Variants in RGS21 observed in about 807,000 individuals in gnomAD.
The protein encoded by RGS21 is regulator of G protein signaling 21.
RGS21 carries 19 observed loss-of-function variants against 18.7 expected under a neutral mutation model. That is an observed-to-expected ratio of 1.01 (90% confidence interval 0.71 to 1.49). RGS21 has a LOEUF of 1.49. Among genes scored for constraint, RGS21 ranks in the 40% most tolerant of loss-of-function variants. The pLI, the probability that RGS21 is intolerant of heterozygous loss-of-function variation, is 0.00. For missense variants in RGS21, 194 were observed against 176.8 expected (o/e 1.10, Z -0.55); for synonymous variants, 56 against 57.8 (o/e 0.97, Z 0.14).
intron 1 of RGS21, among the ~76,000 whole-genome samples, chr1:192,317,482 C>T (rs761452516): frequency 6.9e-4 from 102 of 148,662 alleles, no homozygotes; most frequent in Non-Finnish European, 1.3e-3. Flanking sequence ...TTTCTTATAT[C>T]CTTTTGGAAA....
intron 4 of RGS21, among the ~76,000 whole-genome samples, chr1:192,355,054 C>T (rs1659092795): frequency 6.6e-6 from 1 of 151,544 alleles, no homozygotes; most frequent in Non-Finnish European, 1.5e-5. Context: ...TAAAGTGTTA[C>T]ATTCTCTCTG....
At chr1:192,330,611 T>C (rs989828445) in intron 1 of RGS21, among the ~76,000 whole-genome samples, 1 of 152,252 alleles carries the variant, frequency 6.6e-6, no homozygotes, top group East Asian at 1.9e-4. Context: ...TTCTAAGATA[T>C]GTAGGATGGA....
chr1:192,331,045 T>C (rs944239410), intron 1 of RGS21, among the ~76,000 whole-genome samples: 1 of 152,154 alleles, frequency 6.6e-6, no homozygotes, highest in African/African-American at 2.4e-5. Flanking sequence ...AACTGAAACC[T>C]ATGGTTGATG....
At chr1:192,337,681 T>C (rs1470037757) in intron 1 of RGS21, among the ~76,000 whole-genome samples, 1 of 152,100 alleles carries the variant, frequency 6.6e-6, no homozygotes, top group East Asian at 1.9e-4. Flanking sequence ...CTAAAAATAT[T>C]CAGCTACAGT....
chr1:192,346,414 A>G (rs914602850), intron 2 of RGS21, among the ~76,000 whole-genome samples: 8 of 152,064 alleles, frequency 5.3e-5, no homozygotes, highest in African/African-American at 1.9e-4. Context: ...ATTATTGGTA[A>G]TTTCAATACA....
intron 1 of RGS21, among the ~76,000 whole-genome samples, chr1:192,339,170 A>T (rs934213305): frequency 1.3e-5 from 2 of 152,068 alleles, no homozygotes; most frequent in African/African-American, 2.4e-5. Flanking sequence ...TTTTCCCACA[A>T]ATCTTTTATG....
chr1:192,360,046 C>T (rs1200592944), intron 4 of RGS21, among the ~76,000 whole-genome samples: 1 of 151,904 alleles, frequency 6.6e-6, no homozygotes, highest in Non-Finnish European at 1.5e-5. Context: ...CCTGTTCCTA[C>T]TCATAATCCA....
intron 2 of RGS21, 145 bp downstream of exon 2, chr1:192,343,192 T>A (rs1181541063): frequency 1.2e-6 from 1 of 822,842 alleles, no homozygotes; most frequent in Non-Finnish European, 2.0e-6. Flanking sequence ...CTTTCTCTAC[T>A]GATTTCTTCT....
At chr1:192,346,583 T>C (rs1294605992) in intron 2 of RGS21, among the ~76,000 whole-genome samples, 1 of 152,082 alleles carries the variant, frequency 6.6e-6, no homozygotes, top group Non-Finnish European at 1.5e-5. Flanking sequence ...GTATGATATA[T>C]TTGCATCTCA....
rs190486812 is a variant in RGS21, at chr1:192,318,564, C to T, written c.-61+1459C>T. ...TCCAGCAGAAGAACAGGGAGAATGTCGTATCTAAAGGAGAAATTCCTAGGT... is the reference window on the plus strand; with the variant it reads ...TCCAGCAGAAGAACAGGGAGAATGTTGTATCTAAAGGAGAAATTCCTAGGT... On this transcript the variant is annotated intron_variant, in intron 1 of 4. Transcript: ENST00000417209. Among the ~76,000 whole-genome samples, 29 of 152,154 alleles carry T rather than the reference C, an allele frequency of 1.9e-4. No homozygotes were observed. The East Asian group carries it at 5.2e-3, about 27-fold the overall frequency.
At chr1:192,325,889 A>G (rs1484140908) in intron 1 of RGS21, among the ~76,000 whole-genome samples, 1 of 152,082 alleles carries the variant, frequency 6.6e-6, no homozygotes, top group African/African-American at 2.4e-5. Context: ...GTTTTAAATC[A>G]TCTTGTGATA....
chr1:192,351,903 T>G (rs893058180), intron 3 of RGS21, 144 bp from the exon 4 acceptor site: 19 of 516,360 alleles, frequency 3.7e-5, no homozygotes, highest in Non-Finnish European at 5.7e-5. Context: ...AGTTAGCAAC[T>G]AAAACATACA....
In RGS21 at chr1:192,346,900, TA is replaced by T. The variant is rs1279235652; in HGVS notation, c.12-411del. On this transcript the variant is annotated intron_variant, in intron 2 of 4. Transcript: ENST00000417209. The stretch of plus-strand genomic sequence containing the variant: ...TCTTTTGAGATGCATAATTATGACA[TA>T]ATCTTTACACTATAAAAATTTAGAA... 2.6e-5 allele frequency among the ~76,000 whole-genome samples: 4 copies of T among 152,186 alleles called. No homozygotes were observed. In the East Asian group the frequency reaches 7.7e-4, roughly 29 times the overall value.
intron 2 of RGS21, among the ~76,000 whole-genome samples, chr1:192,344,206 C>A (rs1658914980): frequency 6.6e-6 from 1 of 151,830 alleles, no homozygotes; most frequent in Non-Finnish European, 1.5e-5. Flanking sequence ...TATAGTATTT[C>A]TATGAAATAT....
chr1:192,332,960 A>T (rs538568946), intron 1 of RGS21, among the ~76,000 whole-genome samples: 1 of 152,026 alleles, frequency 6.6e-6, no homozygotes, highest in Non-Finnish European at 1.5e-5. Flanking sequence ...ATAAAAAAAA[A>T]CCTCAACTGT....
At chr1:192,339,123 T>G (rs1174314316) in intron 1 of RGS21, among the ~76,000 whole-genome samples, 2 of 152,132 alleles carry the variant, frequency 1.3e-5, no homozygotes, top group African/African-American at 4.8e-5. Flanking sequence ...TAACTATTAT[T>G]GGTTAAAATC....
At chr1:192,323,368 A>G (rs1028182036) in intron 1 of RGS21, among the ~76,000 whole-genome samples, 11 of 152,278 alleles carry the variant, frequency 7.2e-5, no homozygotes, top group Admixed American at 2.0e-4. Flanking sequence ...TTTAGAAAGG[A>G]AAGAGAAGTT....
chr1:192,343,181 C>T (rs1016133701), intron 2 of RGS21, 134 bp downstream of exon 2: 5 of 879,642 alleles, frequency 5.7e-6, no homozygotes, highest in Non-Finnish European at 9.3e-6. Context: ...GATTTTTTCT[C>T]CTTTCTCTAC....
At chr1:192,339,798 G>T (rs892315831) in intron 1 of RGS21, among the ~76,000 whole-genome samples, 2 of 152,184 alleles carry the variant, frequency 1.3e-5, no homozygotes, top group African/African-American at 4.8e-5. Context: ...GCAGAGTCCA[G>T]TTCCCAAAAA....
Sources: gnomAD v4.1 joint callset for allele counts (sites outside exome capture counted in the v4.1 genomes callset) on GRCh38, gnomAD v4.1.1 for gene constraint, MANE v1.5 for transcripts, NCBI Gene and HGNC (gene_info 2026-07-23, HGNC 2026-07-21) for gene names.